The following EPB41L4A variants were observed in gnomAD, a reference collection of about 807,000 sequenced individuals.
The protein encoded by EPB41L4A is band 4.1-like protein 4A.
A neutral mutation model predicts 108.6 loss-of-function variants in EPB41L4A; 100 were observed. That is an observed-to-expected ratio of 0.92 (90% CI 0.78 to 1.09). EPB41L4A has a LOEUF of 1.09. Ranked by LOEUF, EPB41L4A falls within the 50% of genes least tolerant of loss-of-function variation. EPB41L4A has a pLI of 0.00. For missense variants in EPB41L4A, 1,030 were observed against 842.7 expected (o/e 1.22, Z -2.75); for synonymous variants, 319 against 289.0 (o/e 1.10, Z -1.05).
At chr5:112,319,924 T>C (rs1340161390) in intron 1 of EPB41L4A, among the ~76,000 whole-genome samples, 1 of 152,120 alleles carries the variant, frequency 6.6e-6, no homozygotes, top group Non-Finnish European at 1.5e-5. Context: ...CAGTCTCGTG[T>C]TTTCAATTTA....
At chr5:112,303,243 G>C (rs2150569769) in intron 2 of EPB41L4A, among the ~76,000 whole-genome samples, 1 of 152,296 alleles carries the variant, frequency 6.6e-6, no homozygotes, top group Non-Finnish European at 1.5e-5. Context: ...ATGAAAGGAA[G>C]AGGGGCCACT....
upstream of EPB41L4A, chr5:112,419,868 G>A (rs749476351): frequency 2.2e-6 from 1 of 456,782 alleles, no homozygotes; most frequent in South Asian, 1.5e-5. Context: ...CTCCCTCCGG[G>A]AATGCCTGCC....
At chr5:112,405,205 G>A (rs2112775752) in intron 1 of EPB41L4A, among the ~76,000 whole-genome samples, 1 of 152,250 alleles carries the variant, frequency 6.6e-6, no homozygotes, top group African/African-American at 2.4e-5. Flanking sequence ...AAAGTACTCA[G>A]GAGTCTATGG....
chr5:112,183,539 A>G (rs1761265566), intron 18 of EPB41L4A, among the ~76,000 whole-genome samples: 1 of 152,240 alleles, frequency 6.6e-6, no homozygotes, highest in African/African-American at 2.4e-5. Context: ...GGCGTTGCCT[A>G]GCAACAGGAG....
At chr5:112,379,643 C>G (rs1266273918) in intron 1 of EPB41L4A, among the ~76,000 whole-genome samples, 1 of 152,162 alleles carries the variant, frequency 6.6e-6, no homozygotes, top group African/African-American at 2.4e-5. Flanking sequence ...GAGATCTCAC[C>G]AACAGCAAAC....
intron 1 of EPB41L4A, among the ~76,000 whole-genome samples, chr5:112,361,965 T>C (rs1235669305): frequency 6.6e-6 from 1 of 152,200 alleles, no homozygotes; most frequent in Non-Finnish European, 1.5e-5. Context: ...GCCTTTTTCC[T>C]TCCTTCTTGA....
At chr5:112,416,412 T>A (rs534670037) in intron 1 of EPB41L4A, among the ~76,000 whole-genome samples, 103 of 152,282 alleles carry the variant, frequency 6.8e-4, no homozygotes, top group African/African-American at 2.0e-3. Context: ...AATGTGTGCA[T>A]AATTTTAATG....
At chr5:112,337,449 A>C (rs1322950095) in intron 1 of EPB41L4A, among the ~76,000 whole-genome samples, 2 of 152,186 alleles carry the variant, frequency 1.3e-5, no homozygotes, top group African/African-American at 4.8e-5. Flanking sequence ...TTGAACACTT[A>C]AGATGTTCAG....
At chr5:112,322,563 C>A (rs189939664) in intron 1 of EPB41L4A, among the ~76,000 whole-genome samples, 55 of 152,288 alleles carry the variant, frequency 3.6e-4, no homozygotes, top group African/African-American at 1.2e-3. Flanking sequence ...CTTGGAAGAA[C>A]TGTCTAATCC....
chr5:112,146,078 G>A (rs1759244376), intron 12 of EPB41L4A: 1 of 434,596 alleles, frequency 2.3e-6, no homozygotes, highest in Admixed American at 2.6e-5. Flanking sequence ...TGCCTCTAGG[G>A]ACTACTCACC....
intron 12 of EPB41L4A, among the ~76,000 whole-genome samples, chr5:112,230,931 A>C (rs577361228): frequency 1.3e-5 from 2 of 152,306 alleles, no homozygotes; most frequent in South Asian, 4.1e-4. Flanking sequence ...TCAAGAAAAA[A>C]AGTCAGGATA....
chr5:112,306,948 A>G (rs1042582621), intron 2 of EPB41L4A, among the ~76,000 whole-genome samples: 1 of 151,994 alleles, frequency 6.6e-6, no homozygotes, highest in African/African-American at 2.4e-5. Context: ...AGCTCATCTC[A>G]CTTATAAAAC....
intron 1 of EPB41L4A, among the ~76,000 whole-genome samples, chr5:112,400,569 C>T (rs865877902): frequency 3.0e-4 from 46 of 152,082 alleles, no homozygotes; most frequent in Admixed American, 7.2e-4. Flanking sequence ...GGAGGTGCCA[C>T]ACACTTTTAA....
intron 1 of EPB41L4A, among the ~76,000 whole-genome samples, chr5:112,340,654 G>A (rs773372652): frequency 6.6e-6 from 1 of 152,050 alleles, no homozygotes; most frequent in Non-Finnish European, 1.5e-5. Flanking sequence ...AGCATATTAA[G>A]GTATTATTTT....
chr5:112,207,963 T>C (rs1427842666), intron 13 of EPB41L4A, among the ~76,000 whole-genome samples: 3 of 152,038 alleles, frequency 2.0e-5, no homozygotes, highest in African/African-American at 4.8e-5. Context: ...AAAAAAGACA[T>C]ATGGCTGGGC....
rs547365981 is a variant in EPB41L4A, at chr5:112,293,243, A to T, written c.205-12920T>A. On this transcript the variant is annotated intron_variant, in intron 2 of 22. Coordinates refer to ENST00000261486, the MANE Select transcript of EPB41L4A (RefSeq NM_022140.5). ...TTTTTTTTAACTTTTAAATTCAGGG[A>T]TACAGGTACAGGTTTGTTATACAGG... 2.0e-5 allele frequency among the ~76,000 whole-genome samples: 3 copies of T among 151,614 alleles called. No homozygotes were observed. The East Asian group carries it at 5.8e-4, about 29-fold the overall frequency.
chr5:112,289,669 T>C (rs528409241), intron 2 of EPB41L4A, among the ~76,000 whole-genome samples: 1 of 152,174 alleles, frequency 6.6e-6, no homozygotes, highest in Admixed American at 6.5e-5. Flanking sequence ...AGGTGCTCCA[T>C]CCCCAGTTGA....
intron 9 of EPB41L4A, chr5:112,257,231 C>T (rs1019890017): frequency 6.6e-6 from 1 of 152,104 alleles, no homozygotes; most frequent in Admixed American, 6.5e-5. Context: ...AGACCACAAG[C>T]AAGAATACTT....
intron 1 of EPB41L4A, among the ~76,000 whole-genome samples, chr5:112,315,925 A>G (rs1561564961): frequency 1.2e-4 from 18 of 152,226 alleles, no homozygotes. Context: ...ATGTAACAAT[A>G]TATTAATTTA....
Sources: gnomAD v4.1 joint callset for allele counts (sites outside exome capture counted in the v4.1 genomes callset) on GRCh38, gnomAD v4.1.1 for gene constraint, MANE v1.5 for transcripts, NCBI Gene and HGNC (gene_info 2026-07-23, HGNC 2026-07-21) for gene names.